The following FOCAD variants were observed in gnomAD, a reference collection of about 807,000 sequenced individuals.
FOCAD encodes the protein KIAA1797.
A neutral mutation model predicts 225.6 loss-of-function variants in FOCAD; 198 were observed. The observed-to-expected ratio is 0.88, with a 90% CI of 0.78 to 0.99. The LOEUF is 0.99. FOCAD is among the 50% of genes least tolerant of loss of function. FOCAD has a pLI of 0.00. For synonymous variants in FOCAD, 897 were observed against 755.0 expected (o/e 1.19, Z -3.08); for missense variants, 2,713 against 2,123.6 (o/e 1.28, Z -5.46).
chr9:20,836,265 G>A (rs888988282), intron 15 of FOCAD, among the ~76,000 whole-genome samples: 7 of 152,072 alleles, frequency 4.6e-5, no homozygotes, highest in African/African-American at 1.4e-4. Flanking sequence ...ATATGGAAAT[G>A]TGATCCATTG....
intron 1 of FOCAD, among the ~76,000 whole-genome samples, chr9:20,703,273 T>C (rs1824116133): frequency 6.6e-6 from 1 of 152,030 alleles, no homozygotes; most frequent in Non-Finnish European, 1.5e-5. Flanking sequence ...TCAAGAGCAC[T>C]TGAGGCTGAG....
Position 20,990,330 on chromosome 9 carries a change from G to C in FOCAD, c.5212G>C (p.Ala1738Pro). 1 of 1,613,990 alleles carries C rather than the reference G, an allele frequency of 6.2e-7. No homozygotes were observed. The highest frequency in any genetic ancestry group is 1.3e-5 in the African/African-American group (1 of 75,052). The change falls in exon 42 of 44, where the codon GCT (alanine) becomes CCT (proline). Residue 1738 changes from alanine to proline, a missense_variant. Coordinates refer to ENST00000338382, the MANE Select transcript of FOCAD (RefSeq NM_001375567.1). ...TCTCACTCTCCTTCCCAATAGCATG[G>C]CTCTGCTGCTGCAGAAAGAGCCATG... ...EVLTLLPNSM[A>P]LLLQKEPWKE... is the part of the protein sequence containing the mutation.
chr9:20,736,038 C>CT (rs1563928032), intron 4 of FOCAD, among the ~76,000 whole-genome samples: 1 of 152,026 alleles, frequency 6.6e-6, no homozygotes, highest in Non-Finnish European at 1.5e-5. Context: ...ATTTTACTCA[C>CT]TTTTTTGGGG....
At chr9:20,972,004 A>T (rs918369277) in intron 35 of FOCAD, among the ~76,000 whole-genome samples, 9 of 152,010 alleles carry the variant, frequency 5.9e-5, no homozygotes, top group African/African-American at 2.2e-4. Context: ...TCATCAGTGG[A>T]CATTTGGGTT....
At chr9:20,862,324 G>T (rs1828845740) in intron 15 of FOCAD, among the ~76,000 whole-genome samples, 1 of 151,934 alleles carries the variant, frequency 6.6e-6, no homozygotes, top group Admixed American at 6.6e-5. Flanking sequence ...TGTGTGCTTA[G>T]GAGAGAGTTA....
intron 11 of FOCAD, among the ~76,000 whole-genome samples, chr9:20,801,632 A>T (rs1329207583): frequency 1.3e-5 from 2 of 152,168 alleles, no homozygotes; most frequent in East Asian, 3.9e-4. Flanking sequence ...TTCCTTGAGT[A>T]TCATTTTTGA....
At chr9:20,913,663 A>G (rs1303974263) in intron 23 of FOCAD, among the ~76,000 whole-genome samples, 1 of 152,196 alleles carries the variant, frequency 6.6e-6, no homozygotes, top group Non-Finnish European at 1.5e-5. Context: ...CATGTAGAAA[A>G]GGAGAAACTG....
chr9:20,867,049 T>C, intron 18 of FOCAD, 37 bp downstream of exon 18: 1 of 1,388,274 alleles, frequency 7.2e-7, no homozygotes, highest in African/African-American at 1.4e-5. Context: ...ATTTCTTAAT[T>C]TGCTAGGGTT....
chr9:20,877,519 C>T (rs1447095544), intron 19 of FOCAD, among the ~76,000 whole-genome samples: 2 of 152,168 alleles, frequency 1.3e-5, no homozygotes, highest in African/African-American at 4.8e-5. Flanking sequence ...ATACTAACAA[C>T]AGCCACAATC....
intron 15 of FOCAD, among the ~76,000 whole-genome samples, chr9:20,836,238 G>A (rs537511488): frequency 8.5e-5 from 13 of 152,154 alleles, no homozygotes; most frequent in South Asian, 8.3e-4. Context: ...ATTTTTTAGC[G>A]TGGTAAATAT....
intron 1 of FOCAD, among the ~76,000 whole-genome samples, chr9:20,709,773 A>G (rs1199774101): frequency 6.6e-6 from 1 of 152,246 alleles, no homozygotes; most frequent in Non-Finnish European, 1.5e-5. Flanking sequence ...GCCATTTGTT[A>G]GGAAAGGTAA....
At chr9:20,880,918 G>GA (rs550566012) in intron 19 of FOCAD, among the ~76,000 whole-genome samples, 4 of 152,048 alleles carry the variant, frequency 2.6e-5, no homozygotes, top group Non-Finnish European at 5.9e-5. Flanking sequence ...TGGTCCTTAG[G>GA]AAAATCACAT....
At chr9:20,982,144 T>C (rs1030111455) in intron 38 of FOCAD, among the ~76,000 whole-genome samples, 2 of 151,970 alleles carry the variant, frequency 1.3e-5, no homozygotes, top group Non-Finnish European at 2.9e-5. Flanking sequence ...AGGAGAAAAA[T>C]GTATAGCCAA....
intron 11 of FOCAD, among the ~76,000 whole-genome samples, chr9:20,804,846 A>T (rs1032807005): frequency 2.0e-5 from 3 of 150,842 alleles, no homozygotes; most frequent in Non-Finnish European, 4.4e-5. Context: ...TGCATGTAGG[A>T]AAAAAAAATC....
At chr9:20,836,373 A>G (rs1241660230) in intron 15 of FOCAD, among the ~76,000 whole-genome samples, 1 of 151,990 alleles carries the variant, frequency 6.6e-6, no homozygotes, top group African/African-American at 2.4e-5. Flanking sequence ...TGTTGTTCTT[A>G]TGTTTTGTTT....
At chr9:20,760,722 C>T (rs1197033676) in intron 6 of FOCAD, among the ~76,000 whole-genome samples, 4 of 152,134 alleles carry the variant, frequency 2.6e-5, no homozygotes, top group East Asian at 3.8e-4. Flanking sequence ...AATTACTCTC[C>T]TGTATTAACT....
chr9:20,853,563 C>G (rs916496162), intron 15 of FOCAD, among the ~76,000 whole-genome samples: 1 of 151,630 alleles, frequency 6.6e-6, no homozygotes, highest in African/African-American at 2.4e-5. Flanking sequence ...TACTACAAGT[C>G]CAAATATTTT....
chr9:20,667,682 C>G (rs1340214249), intron 2 of FOCAD, among the ~76,000 whole-genome samples: 1 of 152,158 alleles, frequency 6.6e-6, no homozygotes, highest in African/African-American at 2.4e-5. Flanking sequence ...CACCTGAAGA[C>G]CTTTCTGACA....
At chr9:20,898,158 A>G (rs1397000391) in intron 21 of FOCAD, among the ~76,000 whole-genome samples, 1 of 151,794 alleles carries the variant, frequency 6.6e-6, no homozygotes, top group Non-Finnish European at 1.5e-5. Context: ...TTTTTTCAGA[A>G]TTTAAAAAAA....
Sources: allele counts gnomAD v4.1 joint callset (sites outside exome capture counted in the v4.1 genomes callset), GRCh38; gene constraint gnomAD v4.1.1; transcripts MANE v1.5; gene names NCBI Gene and HGNC (gene_info 2026-07-23, HGNC 2026-07-21).